GNB5: variants seen among roughly 807,000 people sequenced by gnomAD.
The protein encoded by GNB5 is G protein subunit beta 5.
In GNB5, 37 loss-of-function variants were observed where a neutral mutation model predicts 55.3. That is an observed-to-expected ratio of 0.67 (90% CI 0.51 to 0.88). GNB5 has a LOEUF of 0.88. Ranked by LOEUF, GNB5 falls within the 40% of genes least tolerant of loss-of-function variation. GNB5 has a pLI of 0.00. For missense variants in GNB5, 476 were observed against 515.3 expected (o/e 0.92, Z 0.74); for synonymous variants, 219 against 198.5 (o/e 1.10, Z -0.87).
intron 1 of GNB5, among the ~76,000 whole-genome samples, chr15:52,190,797 A>C (rs1338706277): frequency 2.2e-4 from 3 of 13,714 alleles, no homozygotes; most frequent in East Asian, 0.024. Flanking sequence ...AAAAAAAAAA[A>C]AAAAAAAAAA....
intron 3 of GNB5, among the ~76,000 whole-genome samples, chr15:52,170,514 G>T (rs188559369): frequency 1.7e-4 from 26 of 152,216 alleles, no homozygotes; most frequent in Admixed American, 1.6e-3. Context: ...AGAACAAATG[G>T]ACACATCGGG....
intron 3 of GNB5, among the ~76,000 whole-genome samples, chr15:52,172,001 T>A (rs1439073934): frequency 2.0e-5 from 3 of 152,242 alleles, no homozygotes; most frequent in Non-Finnish European, 4.4e-5. Flanking sequence ...CCCAGGAGGC[T>A]GCTGTGCCTG....
chr15:52,149,076 G>GGGACT, intron 5 of GNB5, among the ~76,000 whole-genome samples: 1 of 152,142 alleles, frequency 6.6e-6, no homozygotes, highest in Non-Finnish European at 1.5e-5. Context: ...TATTCCTCAG[G>GGGACT]GGACTGACCA....
chr15:52,127,768 G>A (rs1264983954), intron 10 of GNB5, among the ~76,000 whole-genome samples: 1 of 151,284 alleles, frequency 6.6e-6, no homozygotes, highest in Non-Finnish European at 1.5e-5. Context: ...AGAATGCTAA[G>A]GAAATGATGA....
At chr15:52,176,897 G>C (rs2034659698) in intron 3 of GNB5, among the ~76,000 whole-genome samples, 1 of 152,108 alleles carries the variant, frequency 6.6e-6, no homozygotes, top group Non-Finnish European at 1.5e-5. Context: ...TCCTGCATGA[G>C]CTCCCAGCAT....
intron 6 of GNB5, among the ~76,000 whole-genome samples, chr15:52,144,920 T>G (rs995449374): frequency 1.3e-5 from 2 of 152,194 alleles, no homozygotes; most frequent in Admixed American, 1.3e-4. Flanking sequence ...CCTCCTGGCT[T>G]CTGCCCCAGG....
Position 52,149,873 on chromosome 15 carries a change from C to A in GNB5, c.417+11G>T. The A allele has an allele frequency of 1.2e-6, 2 of 1,604,918 alleles. No individual in the cohort carries two copies. Among genetic ancestry groups the A allele is most frequent in the Non-Finnish European group, 1.7e-6 (2 of 1,171,670 alleles). On this transcript the variant is annotated intron_variant, in intron 5 of 12. Coordinates refer to ENST00000261837, the MANE Select transcript of GNB5 (RefSeq NM_016194.4). The stretch of plus-strand genomic sequence containing the variant: ...GAAGCCTCTATAACGTGGCTGGGAA[C>A]AATGCCTCACCTTGTTTGTGGTGAA...
intron 5 of GNB5, 65 bp from the exon 6 acceptor site, chr15:52,147,600 T>G: frequency 1.2e-6 from 1 of 854,876 alleles, no homozygotes; most frequent in Non-Finnish European, 1.8e-6. Context: ...TTTTTCTTTT[T>G]TTTTGAGATG....
In GNB5 at chr15:52,135,963, C is replaced by T. The variant is rs900439962; in HGVS notation, c.628-207G>A. 1.1e-5 allele frequency: 6 copies of T among 524,194 alleles called. No homozygotes were observed. The Admixed American group carries it at 1.6e-4, about 14-fold the overall frequency. 32.5% of individuals were successfully genotyped at this position (524,194 alleles called of 1,614,324 possible). On this transcript the variant is annotated intron_variant, in intron 7 of 12. Coordinates refer to ENST00000261837, the MANE Select transcript of GNB5 (RefSeq NM_016194.4). ...ATACAAAGAAGGAAAGAGTGCATTT[C>T]CTACACCCTCACAGTCCTTGAGTTG...
At chr15:52,157,334 C>T (rs1476205568) in intron 3 of GNB5, among the ~76,000 whole-genome samples, 1 of 151,286 alleles carries the variant, frequency 6.6e-6, no homozygotes, top group African/African-American at 2.4e-5. Flanking sequence ...GCAACCTCTA[C>T]CTCCCGGGTT....
At chr15:52,173,512 A>G (rs2141233985) in intron 3 of GNB5, among the ~76,000 whole-genome samples, 1 of 152,366 alleles carries the variant, frequency 6.6e-6, no homozygotes, top group South Asian at 2.1e-4. Flanking sequence ...TGAAGGCTGA[A>G]GGCAAGAACA....
chr15:52,159,049 G>C (rs2034276201), intron 3 of GNB5, among the ~76,000 whole-genome samples: 1 of 152,166 alleles, frequency 6.6e-6, no homozygotes, highest in South Asian at 2.1e-4. Flanking sequence ...TCCTAGGTGG[G>C]TACGCTAAGC....
intron 3 of GNB5, among the ~76,000 whole-genome samples, chr15:52,177,087 T>C (rs1189466100): frequency 7.4e-6 from 1 of 135,280 alleles, no homozygotes; most frequent in Non-Finnish European, 1.5e-5. Context: ...CAGGCTGGAG[T>C]GCAGTGGCAA....
intron 4 of GNB5, among the ~76,000 whole-genome samples, chr15:52,151,359 G>A (rs551961646): frequency 6.6e-6 from 1 of 152,278 alleles, no homozygotes; most frequent in East Asian, 1.9e-4. Context: ...GTCCCTGTGT[G>A]TGCCACCCAC....
chr15:52,166,968 G>C (rs2034463240), intron 3 of GNB5, among the ~76,000 whole-genome samples: 1 of 151,994 alleles, frequency 6.6e-6, no homozygotes, highest in African/African-American at 2.4e-5. Flanking sequence ...GAATCAAATA[G>C]ACACAATCAG....
intron 1 of GNB5, among the ~76,000 whole-genome samples, chr15:52,185,362 T>C (rs1472352188): frequency 6.6e-6 from 1 of 152,242 alleles, no homozygotes; most frequent in Non-Finnish European, 1.5e-5. Flanking sequence ...GTTTTGCTAA[T>C]CTGTCAAGTG....
intron 3 of GNB5, among the ~76,000 whole-genome samples, chr15:52,174,525 A>G (rs1359769774): frequency 9.2e-5 from 14 of 152,210 alleles, no homozygotes; most frequent in Non-Finnish European, 1.5e-4. Context: ...GAGGACCCAT[A>G]TAAGCTATTA....
At chr15:52,123,898 A>G (rs2033342960) in intron 12 of GNB5, among the ~76,000 whole-genome samples, 2 of 150,492 alleles carry the variant, frequency 1.3e-5, no homozygotes, top group African/African-American at 4.9e-5. Flanking sequence ...AAGGTTATGG[A>G]GCTCTCTTTG....
chr15:52,125,848 A>G (rs1311820102), intron 11 of GNB5, 100 bp downstream of exon 11: 1 of 653,272 alleles, frequency 1.5e-6, no homozygotes, highest in African/African-American at 1.8e-5. Context: ...GGTCCACAGG[A>G]AGCTCAGTTG....
Sources: allele counts gnomAD v4.1 joint callset (sites outside exome capture counted in the v4.1 genomes callset), GRCh38; gene constraint gnomAD v4.1.1; transcripts MANE v1.5; gene names NCBI Gene and HGNC (gene_info 2026-07-23, HGNC 2026-07-21).